The following GMPR variants were observed in gnomAD, a reference collection of about 807,000 sequenced individuals.
The protein encoded by GMPR is guanosine monophosphate reductase.
GMPR carries 31 observed loss-of-function variants against 38.4 expected under a neutral mutation model. The observed-to-expected ratio is 0.81, with a 90% CI of 0.61 to 1.09. GMPR has a LOEUF of 1.09. Among genes scored for constraint, GMPR ranks in the 50% least tolerant of loss-of-function variants. GMPR has a pLI of 0.00. For missense variants in GMPR, 468 were observed against 453.7 expected (o/e 1.03, Z -0.29); for synonymous variants, 162 against 173.3 (o/e 0.93, Z 0.51).
At chr6:16,265,865 G>T (rs1759191929) in intron 4 of GMPR, among the ~76,000 whole-genome samples, 2 of 152,198 alleles carry the variant, frequency 1.3e-5, no homozygotes, top group Non-Finnish European at 2.9e-5. Context: ...TCGCTCTTTG[G>T]GTCCACGCGA....
In GMPR at chr6:16,254,685, G is replaced by A; in HGVS notation, c.415G>A (p.Val139Met). 1 of 1,613,938 alleles carries A rather than the reference G, an allele frequency of 6.2e-7. No homozygotes were observed. The highest frequency in any genetic ancestry group is 8.5e-7 in the Non-Finnish European group (1 of 1,179,832). The stretch of plus-strand genomic sequence containing the variant: ...GGCCAATGGGTATTCAGAACATTTT[G>A]TGGAATTCGTGAAACTTGTCCGTGC... ...DVANGYSEHF[V>M]EFVKLVRAKF... The change falls in exon 4 of 9, where the codon GTG becomes ATG. Residue 139 changes from valine to methionine, a missense_variant. Physicochemically the swap from Val to Met is conservative, Grantham distance 21 (BLOSUM62 1). Transcript: ENST00000259727.
At chr6:16,244,098 CT>C (rs767681779) in intron 1 of GMPR, among the ~76,000 whole-genome samples, 2,913 of 136,420 alleles carry the variant, frequency 0.021, 40 homozygotes, top group Admixed American at 0.043. Flanking sequence ...AATGAAATTG[CT>C]TTTTTTTTTT....
At chr6:16,279,102 T>C (rs754463814) in intron 6 of GMPR, among the ~76,000 whole-genome samples, 6 of 152,226 alleles carry the variant, frequency 3.9e-5, no homozygotes, top group Admixed American at 2.0e-4. Flanking sequence ...TACAAGCAGG[T>C]GGGTGGTCCA....
intron 6 of GMPR, among the ~76,000 whole-genome samples, chr6:16,284,123 C>A (rs912319726): frequency 6.6e-6 from 1 of 152,128 alleles, no homozygotes; most frequent in African/African-American, 2.4e-5. Flanking sequence ...GTCAGAGAAG[C>A]CATGTATGAA....
At chr6:16,288,859 A>C (rs1011578718) in intron 7 of GMPR, among the ~76,000 whole-genome samples, 7 of 152,072 alleles carry the variant, frequency 4.6e-5, no homozygotes, top group African/African-American at 9.7e-5. Context: ...TGAATGCACC[A>C]ATCCACACTC....
intron 7 of GMPR, among the ~76,000 whole-genome samples, chr6:16,289,029 C>G (rs529020857): frequency 1.3e-5 from 2 of 152,194 alleles, no homozygotes; most frequent in Admixed American, 6.5e-5. Flanking sequence ...CTGCCGGAGC[C>G]AGCAGTGGCA....
chr6:16,248,147 C>G (rs138729062), intron 2 of GMPR, among the ~76,000 whole-genome samples: 1 of 146,716 alleles, frequency 6.8e-6, no homozygotes. Flanking sequence ...GGGAAGATCA[C>G]TTGAGCTGGG....
In GMPR at chr6:16,290,589, G is replaced by T; in HGVS notation, c.825G>T (p.Met275Ile). The change falls in exon 8 of 9, where the codon ATG becomes ATT. Residue 275 changes from methionine to isoleucine, a missense_variant. Met to Ile is a conservative substitution (Grantham distance 10). Coordinates refer to ENST00000259727, the MANE Select transcript of GMPR (RefSeq NM_006877.4). ...LFYGMSSDTAMNKHAGGVAEY... is the reference protein window; with the variant it reads ...LFYGMSSDTAINKHAGGVAEY... ...ACGGGATGAGCTCTGACACCGCCAT[G>T]AACAAGCACGCAGGAGGAGTTGCTG... 2 of 1,614,208 alleles carry T rather than the reference G, an allele frequency of 1.2e-6. No homozygotes were observed. The highest frequency in any genetic ancestry group is 1.7e-6 in the Non-Finnish European group (2 of 1,180,036).
At chr6:16,256,229 G>A (rs1418834917) in intron 4 of GMPR, among the ~76,000 whole-genome samples, 7 of 136,866 alleles carry the variant, frequency 5.1e-5, no homozygotes, top group African/African-American at 1.4e-4. Flanking sequence ...AAAAAAAAAA[G>A]AATTGGCCGG....
At chr6:16,266,738 G>A (rs1015039737) in intron 4 of GMPR, among the ~76,000 whole-genome samples, 9 of 151,794 alleles carry the variant, frequency 5.9e-5, no homozygotes, top group Non-Finnish European at 4.4e-5. Context: ...ATGAACCTGG[G>A]AGGGGGAGCT....
chr6:16,285,606 AG>A (rs1759663258), intron 6 of GMPR, among the ~76,000 whole-genome samples, 186 bp from the exon 7 acceptor site: 1 of 152,136 alleles, frequency 6.6e-6, no homozygotes, highest in Admixed American at 6.5e-5. Flanking sequence ...GGGGAGTGAA[AG>A]GTGCAATATT....
intron 6 of GMPR, among the ~76,000 whole-genome samples, chr6:16,281,449 T>G (rs1182401004): frequency 1.3e-5 from 2 of 152,212 alleles, no homozygotes; most frequent in African/African-American, 4.8e-5. Flanking sequence ...ACTTCTGATC[T>G]TGCTTGTGTT....
chr6:16,277,411 C>T (rs991612099), intron 5 of GMPR, among the ~76,000 whole-genome samples: 1 of 152,204 alleles, frequency 6.6e-6, no homozygotes, highest in Non-Finnish European at 1.5e-5. Context: ...CTCAAAGCAT[C>T]CCACCCCCGG....
At position 16,248,232 on chromosome 6, in the gene GMPR, C is replaced by CA. The variant is rs774386979; in HGVS notation, c.207+1298dup. On this transcript the variant is annotated intron_variant, in intron 2 of 8. Transcript: ENST00000259727. ...GTGACAGAGCAAGAAGACCCTGTCT[C>CA]AAAAAAAAAAAAAAAAAAAAAAAAA... is the stretch of plus-strand genomic sequence containing the variant. Among the ~76,000 whole-genome samples the CA allele has an allele frequency of 5.8e-3, 260 of 45,116 alleles. 12 individuals carry two copies. Among genetic ancestry groups the CA allele is most frequent in the South Asian group, 8.9e-3 (10 of 1,124 alleles). 29.6% of individuals were successfully genotyped at this position (45,116 alleles called of 152,430 possible).
intron 8 of GMPR, among the ~76,000 whole-genome samples, chr6:16,293,595 C>T (rs1398880898): frequency 3.3e-5 from 5 of 152,182 alleles, no homozygotes; most frequent in African/African-American, 7.2e-5. Context: ...GCCAGGAGTT[C>T]GAGACCAGCC....
At chr6:16,285,918 G>A in intron 7 of GMPR, 83 bp downstream of exon 7, 1 of 1,158,286 alleles carries the variant, frequency 8.6e-7, no homozygotes. Flanking sequence ...ACCTGAATGA[G>A]GAGGGGGACC....
chr6:16,265,794 G>C lies in GMPR; in HGVS notation c.466-8621G>C, dbSNP rs181617213. Among the ~76,000 whole-genome samples the C allele has an allele frequency of 3.7e-4, 56 of 151,716 alleles. No individual in the cohort carries two copies. The East Asian group carries it at 9.6e-3, about 26-fold the overall frequency. ...AAAAGCTGGCTGCTGGAGCCAGCCC[G>C]GATAACCCACTCCGGAACCCTTCCA... On this transcript the variant is annotated intron_variant, in intron 4 of 8. Transcript: ENST00000259727.
intron 8 of GMPR, 37 bp from the exon 9 acceptor site, chr6:16,294,969 G>A: frequency 6.5e-7 from 1 of 1,549,088 alleles, no homozygotes. Context: ...GGTGGGGCGG[G>A]AAACTAGATA....
At chr6:16,272,506 T>G (rs550025655) in intron 4 of GMPR, among the ~76,000 whole-genome samples, 9 of 152,370 alleles carry the variant, frequency 5.9e-5, no homozygotes, top group African/African-American at 2.2e-4. Context: ...ATCTGATGTT[T>G]TCTCTACAGT....
Sources: allele counts gnomAD v4.1 joint callset (sites outside exome capture counted in the v4.1 genomes callset), GRCh38; gene constraint gnomAD v4.1.1; transcripts MANE v1.5; gene names NCBI Gene and HGNC (gene_info 2026-07-23, HGNC 2026-07-21).